Variants in ENTPD4 observed in about 807,000 individuals in gnomAD.
The protein encoded by ENTPD4 is ectonucleoside triphosphate diphosphohydrolase 4, also known as Golgi UDPase.
A neutral mutation model predicts 79.1 loss-of-function variants in ENTPD4; 60 were observed. That is an observed-to-expected ratio of 0.76 (90% CI 0.62 to 0.94). ENTPD4 has a LOEUF of 0.94. ENTPD4 is among the 40% of genes least tolerant of loss of function. The pLI is 0.00. For missense variants in ENTPD4, 772 were observed against 775.1 expected, an observed-to-expected ratio of 1.00 and a Z score of 0.05; for synonymous variants, 276 against 292.0, an observed-to-expected ratio of 0.95 and a Z score of 0.56.
chr8:23,431,028 G>C lies in ENTPD4; in HGVS notation c.*1898C>G, dbSNP rs1381287473. 1 of 951,452 alleles carries C rather than the reference G, an allele frequency of 1.1e-6. No homozygotes were observed. Among genetic ancestry groups the C allele is most frequent in the South Asian group, 4.9e-5 (1 of 20,600 alleles). 58.9% of individuals were successfully genotyped at this position (951,452 alleles called of 1,614,324 possible). On this transcript the variant is annotated 3_prime_UTR_variant, in exon 13 of 13. Coordinates refer to ENST00000358689, the MANE Select transcript of ENTPD4 (RefSeq NM_004901.5). ...AACACGCTTTGAAATCCAGGTGAGG[G>C]AGCCATGCCCCCACAGCTCTTGCCT... is the stretch of plus-strand genomic sequence containing the variant.
At chr8:23,453,310 CG>C (rs1163439644) in intron 1 of ENTPD4, among the ~76,000 whole-genome samples, 1 of 152,014 alleles carries the variant, frequency 6.6e-6, no homozygotes, top group Non-Finnish European at 1.5e-5. Flanking sequence ...ATGATCTAGA[CG>C]TTTAAATGGA....
chr8:23,439,315 G>A (rs891250160), intron 9 of ENTPD4, among the ~76,000 whole-genome samples: 13 of 152,158 alleles, frequency 8.5e-5, no homozygotes, highest in Non-Finnish European at 1.8e-4. Flanking sequence ...TGCACTGGCT[G>A]CTTCATCCAC....
At chr8:23,449,080 T>C in intron 2 of ENTPD4, 141 bp from the exon 3 acceptor site, 1 of 647,202 alleles carries the variant, frequency 1.5e-6, no homozygotes, top group Admixed American at 2.9e-5. Context: ...GCATCTTGCA[T>C]ATGCTACACA....
chr8:23,452,795 C>T (rs1800888248), intron 1 of ENTPD4, among the ~76,000 whole-genome samples: 1 of 152,210 alleles, frequency 6.6e-6, no homozygotes, highest in African/African-American at 2.4e-5. Context: ...TTGTCAGTTG[C>T]ATTCCTAAGA....
At chr8:23,449,067 C>G (rs1419705444) in intron 2 of ENTPD4, 128 bp from the exon 3 acceptor site, 1 of 688,936 alleles carries the variant, frequency 1.5e-6, no homozygotes, top group Admixed American at 2.8e-5. Flanking sequence ...TATCTGTATA[C>G]TGGCATCTTG....
intron 5 of ENTPD4, 82 bp from the exon 6 acceptor site, chr8:23,444,035 CA>C: frequency 2.2e-6 from 2 of 913,896 alleles, no homozygotes; most frequent in Non-Finnish European, 3.4e-6. Context: ...AATAAACAAA[CA>C]AAAAACAAAA....
At chr8:23,443,462 A>G (rs1333937721) in intron 6 of ENTPD4, among the ~76,000 whole-genome samples, 2 of 152,216 alleles carry the variant, frequency 1.3e-5, no homozygotes, top group Non-Finnish European at 2.9e-5. Flanking sequence ...AAGGAGAATC[A>G]TTTCTTTGAA....
chr8:23,444,622 A>G lies in ENTPD4; in HGVS notation c.413-16T>C. The G allele has an allele frequency of 6.2e-7, 1 of 1,611,354 alleles. No homozygotes were observed. The highest frequency in any genetic ancestry group is 8.5e-7 in the Non-Finnish European group (1 of 1,177,706). On this transcript the variant is annotated splice_polypyrimidine_tract_variant and intron_variant, in intron 4 of 12. Coordinates refer to ENST00000358689, the MANE Select transcript of ENTPD4 (RefSeq NM_004901.5). Reference sequence around the variant, plus strand: ...TCTGAAATGCCTAGAGAAACAGGATACTTTAGTTAAGAAGCAGATATTTTA... The same window carrying G: ...TCTGAAATGCCTAGAGAAACAGGATGCTTTAGTTAAGAAGCAGATATTTTA...
Position 23,435,447 on chromosome 8 carries a change from G to A in ENTPD4, c.1405C>T (p.Arg469Trp), listed in dbSNP as rs149469936. The A allele has an allele frequency of 2.4e-5, 38 of 1,613,758 alleles. No individual in the cohort carries two copies. Among genetic ancestry groups the A allele is most frequent in the African/African-American group, 4.0e-5 (3 of 74,892 alleles). ...TACAGTCCTCGGTCAAAGCGTTCCC[G>A]CAAAATGGACCACTTTGTTGCACAA... is the stretch of plus-strand genomic sequence containing the variant. Reference protein sequence around the residue: ...DYCATKWSILRERFDRGLYAS... With the variant: ...DYCATKWSILWERFDRGLYAS... The change falls in exon 11 of 13, where the codon CGG becomes TGG. Residue 469 changes from arginine to tryptophan, a missense_variant. Coordinates refer to ENST00000358689, the MANE Select transcript of ENTPD4 (RefSeq NM_004901.5).
intron 1 of ENTPD4, among the ~76,000 whole-genome samples, chr8:23,454,566 C>A (rs932824981): frequency 1.3e-5 from 2 of 152,150 alleles, no homozygotes; most frequent in African/African-American, 4.8e-5. Flanking sequence ...ACAGAGAAGG[C>A]TAGCTTTAGC....
At chr8:23,439,348 T>C (rs1286856418) in intron 9 of ENTPD4, among the ~76,000 whole-genome samples, 4 of 152,186 alleles carry the variant, frequency 2.6e-5, no homozygotes, top group African/African-American at 9.7e-5. Context: ...ACATCACATA[T>C]TTCAATCTCC....
rs200123530 is a variant in ENTPD4 at position 23,444,519 on chromosome 8, G to T, written c.500C>A (p.Ala167Glu). 56 of 1,614,134 alleles carry T rather than the reference G, an allele frequency of 3.5e-5. No individual in the cohort carries two copies. The highest frequency in any genetic ancestry group is 4.6e-5 in the Non-Finnish European group (54 of 1,180,012). ...LNFAAEHVPRAKHKETPLYIL... is the reference protein window; with the variant it reads ...LNFAAEHVPREKHKETPLYIL... ...GTAGAGAGGTGTCTCTTTGTGTTTT[G>T]CCCGTGGCACATGCTCTGCAGCAAA... The change falls in exon 5 of 13, where the codon GCA becomes GAA. Residue 167 changes from alanine (A) to glutamate (E), a missense_variant. Coordinates refer to ENST00000358689, the MANE Select transcript of ENTPD4 (RefSeq NM_004901.5).
Position 23,433,162 on chromosome 8 carries a change from T to A in ENTPD4, c.1623-8A>T. ...GCCTCCTGCTGGATGTCTCTGCCCA[T>A]GTGAACACCAAACAACAAACAGGAC... is the stretch of plus-strand genomic sequence containing the variant. On this transcript the variant is annotated splice_polypyrimidine_tract_variant and splice_region_variant and intron_variant, in intron 12 of 12. Transcript: ENST00000358689. 6.2e-7 allele frequency: 1 copy of A among 1,612,988 alleles called. No individual in the cohort carries two copies. The highest frequency in any genetic ancestry group is 8.5e-7 in the Non-Finnish European group (1 of 1,179,138).
chr8:23,447,447 TA>T (rs920137515), intron 4 of ENTPD4, among the ~76,000 whole-genome samples: 1 of 152,226 alleles, frequency 6.6e-6, no homozygotes, highest in African/African-American at 2.4e-5. Context: ...AGGCACTATT[TA>T]AAATGCTATG....
rs149622509 is a variant in ENTPD4, at chr8:23,441,714, G to C, written c.737C>G (p.Ala246Gly). 4.5e-4 allele frequency: 725 copies of C among 1,613,770 alleles called. No individual in the cohort carries two copies. Among genetic ancestry groups the C allele is most frequent in the Non-Finnish European group, 6.0e-4 (704 of 1,180,016 alleles). Residue 246 changes from alanine to glycine, a missense_variant, in exon 8 of 13, where the codon GCC becomes GGC. Coordinates refer to ENST00000358689, the MANE Select transcript of ENTPD4 (RefSeq NM_004901.5). ...RFEHIEDDDE[A>G]VVEVNIPGSE... is the part of the protein sequence containing the mutation. The stretch of plus-strand genomic sequence containing the variant: ...TCCAGGAATGTTAACTTCCACAACG[G>C]CCTCATCATCTAGAAAGAACAGAAA...
intron 4 of ENTPD4, among the ~76,000 whole-genome samples, chr8:23,445,520 C>T (rs1800749936): frequency 1.3e-5 from 2 of 152,206 alleles, no homozygotes; most frequent in Admixed American, 6.5e-5. Context: ...GCCTTAGGGC[C>T]CTGCTCCTCC....
At chr8:23,454,382 G>C (rs1800917026) in intron 1 of ENTPD4, among the ~76,000 whole-genome samples, 1 of 152,172 alleles carries the variant, frequency 6.6e-6, no homozygotes. Context: ...TGGTCCTTGA[G>C]GAAGAAAGTC....
intron 1 of ENTPD4, among the ~76,000 whole-genome samples, chr8:23,456,607 T>G (rs754438169): frequency 6.6e-6 from 1 of 152,254 alleles, no homozygotes; most frequent in Non-Finnish European, 1.5e-5. Context: ...ACAAGACCTC[T>G]GTTAAGGTAA....
intron 5 of ENTPD4, 56 bp from the exon 6 acceptor site, chr8:23,444,009 T>A: frequency 8.4e-7 from 1 of 1,197,186 alleles, no homozygotes. Flanking sequence ...GTATCTTCTG[T>A]TTAGAAAAGG....
Sources: allele counts gnomAD v4.1 joint callset (sites outside exome capture counted in the v4.1 genomes callset), GRCh38; gene constraint gnomAD v4.1.1; transcripts MANE v1.5; gene names NCBI Gene and HGNC (gene_info 2026-07-23, HGNC 2026-07-21).